NAALADL2: variants seen among roughly 807,000 people sequenced by gnomAD.
The protein encoded by NAALADL2 is N-acetylated alpha-linked acidic dipeptidase like 2.
A neutral mutation model predicts 87.2 loss-of-function variants in NAALADL2; 76 were observed. The ratio of observed to expected loss-of-function variants is 0.87; its 90% CI spans 0.72 to 1.05. The LOEUF is 1.05. Among genes scored for constraint, NAALADL2 ranks in the 50% least tolerant of loss-of-function variants. NAALADL2 has a pLI of 0.00. For missense variants in NAALADL2, 1,089 were observed against 945.8 expected, an observed-to-expected ratio of 1.15 and a Z score of -1.99; for synonymous variants, 354 against 331.0, an observed-to-expected ratio of 1.07 and a Z score of -0.75.
At chr3:174,519,326 CTTTTTTTTTT>C (rs557612913) in intron 1 of NAALADL2, among the ~76,000 whole-genome samples, 1 of 128,928 alleles carries the variant, frequency 7.8e-6, no homozygotes, top group African/African-American at 2.9e-5. Flanking sequence ...TGAAGATTTC[CTTTTTTTTTT>C]TTTTTTTTGA....
At chr3:174,509,677 C>G (rs546563955) in intron 1 of NAALADL2, among the ~76,000 whole-genome samples, 1 of 146,180 alleles carries the variant, frequency 6.8e-6, no homozygotes, top group Non-Finnish European at 1.5e-5. Flanking sequence ...CCGCCCACCT[C>G]GGGCTCCCAA....
chr3:175,625,813 G>A (rs947987628), intron 10 of NAALADL2, among the ~76,000 whole-genome samples: 2 of 151,870 alleles, frequency 1.3e-5, no homozygotes, highest in Non-Finnish European at 2.9e-5. Flanking sequence ...TGCCTGATAG[G>A]TATGTCTGTT....
At chr3:175,611,383 G>GA (rs1724627381) in intron 10 of NAALADL2, among the ~76,000 whole-genome samples, 1 of 151,978 alleles carries the variant, frequency 6.6e-6, no homozygotes, top group African/African-American at 2.4e-5. Context: ...TTTGTTAAAA[G>GA]AAACAGTTTT....
At chr3:175,574,379 G>A (rs574801501) in intron 9 of NAALADL2, among the ~76,000 whole-genome samples, 6 of 152,132 alleles carry the variant, frequency 3.9e-5, no homozygotes, top group Non-Finnish European at 7.4e-5. Flanking sequence ...TGCAAATGAA[G>A]GATTCAAACT....
chr3:175,618,122 G>A (rs1725606493), intron 10 of NAALADL2, among the ~76,000 whole-genome samples: 1 of 152,134 alleles, frequency 6.6e-6, no homozygotes, highest in Admixed American at 6.5e-5. Context: ...GTAACATATT[G>A]TCCTTTCAGG....
At chr3:175,097,868 A>G (rs552633910) in intron 2 of NAALADL2, among the ~76,000 whole-genome samples, 11 of 152,272 alleles carry the variant, frequency 7.2e-5, no homozygotes, top group Non-Finnish European at 1.5e-4. Context: ...TATCTTCTAT[A>G]TTTGCAGAAT....
At chr3:174,543,162 C>T (rs905530982) in intron 1 of NAALADL2, among the ~76,000 whole-genome samples, 16 of 152,126 alleles carry the variant, frequency 1.1e-4, no homozygotes, top group African/African-American at 3.9e-4. Flanking sequence ...CAGCTTTAAA[C>T]CTAGGCGATG....
chr3:175,250,029 C>T (rs1748731071), intron 3 of NAALADL2, among the ~76,000 whole-genome samples: 1 of 151,962 alleles, frequency 6.6e-6, no homozygotes, highest in African/African-American at 2.4e-5. Flanking sequence ...ATTAGCCGGG[C>T]GTGGTGGCGC....
intron 5 of NAALADL2, among the ~76,000 whole-genome samples, chr3:175,392,117 T>A (rs751661718): frequency 6.6e-6 from 1 of 152,204 alleles, no homozygotes; most frequent in Non-Finnish European, 1.5e-5. Flanking sequence ...TGGCTCCAAA[T>A]GACATGATTT....
intron 2 of NAALADL2, among the ~76,000 whole-genome samples, chr3:175,116,968 A>G (rs1185119044): frequency 6.6e-6 from 1 of 152,006 alleles, no homozygotes; most frequent in African/African-American, 2.4e-5. Flanking sequence ...CACATCTACA[A>G]CCATCTGATA....
intron 9 of NAALADL2, among the ~76,000 whole-genome samples, chr3:175,566,872 T>G (rs941695371): frequency 1.3e-5 from 2 of 152,154 alleles, no homozygotes; most frequent in African/African-American, 4.8e-5. Flanking sequence ...TGGTAATTTT[T>G]GTCATACAGA....
At chr3:175,670,460 AATAT>A in intron 11 of NAALADL2, among the ~76,000 whole-genome samples, 1 of 148,260 alleles carries the variant, frequency 6.7e-6, no homozygotes, top group African/African-American at 2.4e-5. Context: ...ATGTAAATTT[AATAT>A]ATTTATATTA....
At chr3:174,711,460 T>A (rs1406263441) in intron 2 of NAALADL2, among the ~76,000 whole-genome samples, 1 of 152,232 alleles carries the variant, frequency 6.6e-6, no homozygotes, top group Non-Finnish European at 1.5e-5. Context: ...TATAGTTAAG[T>A]AAGTAGAATG....
chr3:174,670,489 A>G (rs1726427569), intron 2 of NAALADL2, among the ~76,000 whole-genome samples: 2 of 151,426 alleles, frequency 1.3e-5, no homozygotes, highest in African/African-American at 4.9e-5. Context: ...TAATTTGTTT[A>G]TTTTTTTCTT....
intron 9 of NAALADL2, among the ~76,000 whole-genome samples, chr3:175,489,441 G>A (rs77142303): frequency 0.015 from 2,305 of 152,130 alleles, 19 homozygotes; most frequent in Non-Finnish European, 0.022. Context: ...GAAATGCCAC[G>A]GCAAACAAAT....
intron 5 of NAALADL2, among the ~76,000 whole-genome samples, chr3:175,348,493 A>G (rs1413496937): frequency 1.3e-5 from 2 of 152,180 alleles, no homozygotes; most frequent in Non-Finnish European, 2.9e-5. Flanking sequence ...ACAGTTCTGG[A>G]GGTTACATGT....
At chr3:175,402,274 CAG>C (rs1183601610) in intron 5 of NAALADL2, among the ~76,000 whole-genome samples, 3 of 152,138 alleles carry the variant, frequency 2.0e-5, no homozygotes, top group Admixed American at 6.6e-5. Context: ...TTTAATGTGA[CAG>C]ATGATTACTT....
intron 10 of NAALADL2, among the ~76,000 whole-genome samples, chr3:175,608,000 A>G (rs778690743): frequency 2.0e-5 from 3 of 151,630 alleles, no homozygotes; most frequent in Non-Finnish European, 4.4e-5. Flanking sequence ...CAAGGGCAAT[A>G]ATGCTAAGGA....
At chr3:175,720,927 A>G (rs1742150924) in intron 11 of NAALADL2, among the ~76,000 whole-genome samples, 1 of 152,160 alleles carries the variant, frequency 6.6e-6, no homozygotes, top group Non-Finnish European at 1.5e-5. Flanking sequence ...AATACATTTC[A>G]GTAAGAAGGA....
Sources: gnomAD v4.1 joint callset for allele counts (sites outside exome capture counted in the v4.1 genomes callset) on GRCh38, gnomAD v4.1.1 for gene constraint, MANE v1.5 for transcripts, NCBI Gene and HGNC (gene_info 2026-07-23, HGNC 2026-07-21) for gene names.